Variants in MAP1B observed in about 807,000 individuals in gnomAD.
MAP1B encodes the protein microtubule-associated protein 1B.
Under a neutral mutation model 176.1 loss-of-function variants are expected in MAP1B, and 12 were observed. The observed-to-expected ratio is 0.07, with a 90% CI of 0.04 to 0.11. MAP1B has a LOEUF of 0.11. MAP1B is among the 10% of genes least tolerant of loss of function. The pLI, the probability that MAP1B is intolerant of heterozygous loss-of-function variation, is 1.00. For missense variants in MAP1B, 2,523 were observed against 2,990.5 expected (o/e 0.84, Z 3.65); for synonymous variants, 1,044 against 1,135.0 (o/e 0.92, Z 1.61).
chr5:72,171,041 A>G (rs1274202007), intron 2 of MAP1B, among the ~76,000 whole-genome samples: 2 of 152,218 alleles, frequency 1.3e-5, no homozygotes, highest in Non-Finnish European at 2.9e-5. Context: ...TCAAGCCTTC[A>G]AAAGTGACAC....
rs763856661 is a variant in MAP1B at position 72,197,303 on chromosome 5, G to C, written c.3948G>C (p.Lys1316Asn). 8.7e-6 allele frequency: 14 copies of C among 1,614,052 alleles called. No individual in the cohort carries two copies. In the East Asian group the frequency reaches 3.1e-4, roughly 36 times the overall value. ...VEEHCASPED[K>N]TLEVVSPSQS... Reference sequence around the variant, plus strand: ...AACATTGTGCTAGTCCTGAGGACAAGACTCTGGAAGTGGTGTCACCATCTC... The same window carrying C: ...AACATTGTGCTAGTCCTGAGGACAACACTCTGGAAGTGGTGTCACCATCTC... The change falls in exon 5 of 7, where the codon AAG becomes AAC. Residue 1316 changes from lysine to asparagine, a missense_variant. By Grantham distance (94) the Lys-to-Asn change is moderately conservative. This residue lies in a region of MAP1B where 1,925 missense variants were observed against 2,126.0 expected (regional missense o/e 0.91). Coordinates refer to ENST00000296755, the MANE Select transcript of MAP1B (RefSeq NM_005909.5).
At chr5:72,157,523 G>C (rs1028821610) in intron 2 of MAP1B, among the ~76,000 whole-genome samples, 5 of 152,236 alleles carry the variant, frequency 3.3e-5, no homozygotes, top group African/African-American at 1.2e-4. Context: ...GATTCCCGGG[G>C]ACAGGGAGCC....
chr5:72,154,744 C>T (rs1746199222), intron 2 of MAP1B, among the ~76,000 whole-genome samples: 1 of 152,194 alleles, frequency 6.6e-6, no homozygotes, highest in Non-Finnish European at 1.5e-5. Context: ...TTCCCCAGAT[C>T]TGCTAGTTCT....
chr5:72,108,741 G>T (rs973057737), intron 1 of MAP1B, among the ~76,000 whole-genome samples: 6 of 152,100 alleles, frequency 3.9e-5, no homozygotes, highest in African/African-American at 1.2e-4. Context: ...CGCTCCGCCC[G>T]GGCCTCGGGC....
At chr5:72,161,956 CAAAAAAAAAAA>C in intron 2 of MAP1B, among the ~76,000 whole-genome samples, 1 of 85,000 alleles carries the variant, frequency 1.2e-5, no homozygotes, top group South Asian at 4.5e-4. Flanking sequence ...AATTCCGTCT[CAAAAAAAAAAA>C]AAAAAAAAAG....
chr5:72,156,975 G>A (rs1258335926), intron 2 of MAP1B, among the ~76,000 whole-genome samples: 1 of 152,116 alleles, frequency 6.6e-6, no homozygotes, highest in Non-Finnish European at 1.5e-5. Flanking sequence ...GCATCATTAC[G>A]GGCTGGAAGA....
chr5:72,156,746 C>T (rs1188756755), intron 2 of MAP1B, among the ~76,000 whole-genome samples: 1 of 152,216 alleles, frequency 6.6e-6, no homozygotes, highest in East Asian at 1.9e-4. Context: ...GTTCCAGCTT[C>T]TGTTGCCGTG....
intron 2 of MAP1B, 98 bp downstream of exon 2, chr5:72,115,897 C>A: frequency 1.3e-6 from 1 of 777,074 alleles, no homozygotes. Context: ...TCTCTTATTG[C>A]TAAAAGGATA....
intron 2 of MAP1B, among the ~76,000 whole-genome samples, chr5:72,144,609 G>A (rs991354434): frequency 2.0e-5 from 3 of 151,888 alleles, no homozygotes; most frequent in Non-Finnish European, 4.4e-5. Flanking sequence ...TTCCCAGGCC[G>A]GTCTTGAACT....
At chr5:72,187,363 C>T (rs1388967328) in intron 4 of MAP1B, among the ~76,000 whole-genome samples, 1 of 152,188 alleles carries the variant, frequency 6.6e-6, no homozygotes, top group East Asian at 1.9e-4. Context: ...GTGTTGAAAA[C>T]TGTGTGAAGT....
At chr5:72,155,990 C>T (rs1206062343) in intron 2 of MAP1B, among the ~76,000 whole-genome samples, 1 of 152,154 alleles carries the variant, frequency 6.6e-6, no homozygotes, top group African/African-American at 2.4e-5. Context: ...TGGTCTTGAA[C>T]TCCTGACCTC....
intron 2 of MAP1B, among the ~76,000 whole-genome samples, chr5:72,174,640 G>A (rs988643926): frequency 1.1e-4 from 17 of 152,180 alleles, no homozygotes; most frequent in Non-Finnish European, 2.2e-4. Context: ...TTTACATGCA[G>A]AGGAGGAGAC....
At chr5:72,124,103 C>T (rs1342251099) in intron 2 of MAP1B, among the ~76,000 whole-genome samples, 2 of 152,120 alleles carry the variant, frequency 1.3e-5, no homozygotes, top group African/African-American at 4.8e-5. Flanking sequence ...ACCCAGGTAC[C>T]AGCACCCCAC....
chr5:72,198,967 C>A lies in MAP1B; in HGVS notation c.5612C>A (p.Ala1871Asp), dbSNP rs774637383. The stretch of plus-strand genomic sequence containing the variant: ...AAGACACCTGGTGACTTTAGCTATG[C>A]CTATCAAAAGCCTGAGGAAACAACC... ...GGKTPGDFSY[A>D]YQKPEETTRS... Residue 1871 changes from alanine to aspartate, a missense_variant, in exon 5 of 7, where the codon GCC becomes GAC. Transcript: ENST00000296755. 22 of 1,614,060 alleles carry A rather than the reference C, an allele frequency of 1.4e-5. No individual in the cohort carries two copies. Among genetic ancestry groups the A allele is most frequent in the Non-Finnish European group, 1.8e-5 (21 of 1,180,000 alleles).
chr5:72,162,916 G>T (rs761685920), intron 2 of MAP1B, among the ~76,000 whole-genome samples: 11 of 152,060 alleles, frequency 7.2e-5, no homozygotes, highest in Non-Finnish European at 1.5e-4. Flanking sequence ...GTCATGAGGG[G>T]TCTCTGTGAA....
At chr5:72,181,442 A>G (rs767405596) in intron 2 of MAP1B, among the ~76,000 whole-genome samples, 9 of 152,152 alleles carry the variant, frequency 5.9e-5, no homozygotes, top group African/African-American at 9.7e-5. Context: ...TTTTTGGTAT[A>G]TTATTAATTT....
At chr5:72,110,359 A>G (rs909443808) in intron 1 of MAP1B, among the ~76,000 whole-genome samples, 8 of 152,308 alleles carry the variant, frequency 5.3e-5, no homozygotes, top group African/African-American at 1.9e-4. Context: ...TTCTTTACAC[A>G]CCGTAGCAGA....
intron 1 of MAP1B, among the ~76,000 whole-genome samples, chr5:72,110,409 G>A (rs1464419713): frequency 2.0e-5 from 3 of 152,196 alleles, no homozygotes; most frequent in African/African-American, 4.8e-5. Flanking sequence ...TGGGTTCTGG[G>A]GTCTTGGCTG....
chr5:72,161,281 T>C (rs746030779), intron 2 of MAP1B, among the ~76,000 whole-genome samples: 3 of 152,190 alleles, frequency 2.0e-5, no homozygotes, highest in Non-Finnish European at 4.4e-5. Flanking sequence ...TGGTTTTCCA[T>C]GTGTACAGTG....
Sources: allele counts gnomAD v4.1 joint callset (sites outside exome capture counted in the v4.1 genomes callset), GRCh38; gene constraint gnomAD v4.1.1; regional missense constraint gnomAD v4.1.1; transcripts MANE v1.5; gene names NCBI Gene and HGNC (gene_info 2026-07-23, HGNC 2026-07-21).